The following NRXN1 variants were observed in gnomAD, a reference collection of about 807,000 sequenced individuals.
NRXN1 encodes the protein neurexin 1.
NRXN1 carries 39 observed loss-of-function variants against 150.9 expected under a neutral mutation model. That is an observed-to-expected ratio of 0.26 (90% CI 0.20 to 0.34). NRXN1 has a LOEUF of 0.34. NRXN1 is among the 10% of genes least tolerant of loss of function. The pLI is 1.00. For synonymous variants in NRXN1, 924 were observed against 757.0 expected (o/e 1.22, Z -3.62); for missense variants, 1,815 against 1,949.9 (o/e 0.93, Z 1.30).
At chr2:49,935,766 G>A (rs1049256302) in intron 22 of NRXN1, among the ~76,000 whole-genome samples, 1 of 152,162 alleles carries the variant, frequency 6.6e-6, no homozygotes, top group African/African-American at 2.4e-5. Flanking sequence ...GCCACAGGAA[G>A]CCAATTTCAT....
chr2:50,212,404 A>G (rs1271120324), intron 18 of NRXN1, among the ~76,000 whole-genome samples: 1 of 151,442 alleles, frequency 6.6e-6, no homozygotes, highest in African/African-American at 2.4e-5. Context: ...TATATGGCTA[A>G]TATTAAAGGC....
At chr2:50,525,697 G>C (rs1311522966) in intron 12 of NRXN1, among the ~76,000 whole-genome samples, 1 of 152,204 alleles carries the variant, frequency 6.6e-6, no homozygotes, top group Non-Finnish European at 1.5e-5. Context: ...ATTATTCAGA[G>C]AGACAGCTTT....
chr2:50,486,112 T>G (rs1301280377), intron 15 of NRXN1, among the ~76,000 whole-genome samples: 1 of 152,190 alleles, frequency 6.6e-6, no homozygotes, highest in Non-Finnish European at 1.5e-5. Flanking sequence ...ACAATACATT[T>G]TAAAGTGATC....
At chr2:50,986,176 C>T (rs1453466123) in intron 2 of NRXN1, among the ~76,000 whole-genome samples, 1 of 151,532 alleles carries the variant, frequency 6.6e-6, no homozygotes, top group African/African-American at 2.4e-5. Context: ...GAGACTGGGG[C>T]AAGCAAAACA....
At chr2:50,721,542 G>A (rs1175754101) in intron 5 of NRXN1, among the ~76,000 whole-genome samples, 1 of 152,116 alleles carries the variant, frequency 6.6e-6, no homozygotes, top group African/African-American at 2.4e-5. Flanking sequence ...GTTCTCCTTT[G>A]TGCCTGACAG....
At chr2:50,364,647 TTTGCTCCTTTCAACTATTATTTA>T (rs1380579551) in intron 17 of NRXN1, among the ~76,000 whole-genome samples, 1 of 152,084 alleles carries the variant, frequency 6.6e-6, no homozygotes, top group Non-Finnish European at 1.5e-5. Flanking sequence ...ATTATTTAAA[TTTGCTCCTTTCAACTATTATTTA>T]TTGCCAAGCT....
chr2:50,893,918 C>G (rs1033616509), intron 5 of NRXN1, among the ~76,000 whole-genome samples: 4 of 152,070 alleles, frequency 2.6e-5, no homozygotes, highest in Non-Finnish European at 5.9e-5. Context: ...CATGTCCCTA[C>G]AAAGGACATG....
intron 5 of NRXN1, among the ~76,000 whole-genome samples, chr2:50,768,229 A>G (rs186086192): frequency 1.1e-3 from 163 of 152,196 alleles, no homozygotes; most frequent in African/African-American, 3.9e-3. Flanking sequence ...AACCATGTGG[A>G]AGAAGTATGT....
chr2:50,785,826 A>G lies in NRXN1; in HGVS notation c.832+136043T>C, dbSNP rs1705039223. On this transcript the variant is annotated intron_variant, in intron 5 of 22. Transcript: ENST00000401669. ...ATGTAATGATGGATTTCTGTTTCTG[A>G]GGAGGCTATTCTAGAGTTGTGATTG... 3.9e-5 allele frequency among the ~76,000 whole-genome samples: 6 copies of G among 152,186 alleles called. No individual in the cohort carries two copies. In the South Asian group the frequency reaches 1.2e-3, roughly 32 times the overall value.
intron 5 of NRXN1, among the ~76,000 whole-genome samples, chr2:50,738,285 C>T (rs939296625): frequency 1.3e-5 from 2 of 152,188 alleles, no homozygotes; most frequent in Non-Finnish European, 2.9e-5. Flanking sequence ...TGCATAAATG[C>T]TCCACTGACC....
At chr2:50,192,851 C>T (rs1002055344) in intron 18 of NRXN1, among the ~76,000 whole-genome samples, 4 of 152,164 alleles carry the variant, frequency 2.6e-5, no homozygotes, top group Admixed American at 2.6e-4. Context: ...CTCAAGTCAT[C>T]CGCTCCCATC....
chr2:50,327,719 A>G (rs537008135), intron 17 of NRXN1, among the ~76,000 whole-genome samples: 143 of 150,862 alleles, frequency 9.5e-4, no homozygotes, highest in African/African-American at 3.2e-3. Context: ...GAAAAATCTC[A>G]GCTCACTGCA....
intron 18 of NRXN1, among the ~76,000 whole-genome samples, chr2:50,189,373 G>T (rs181632045): frequency 1.3e-4 from 20 of 152,016 alleles, no homozygotes; most frequent in Admixed American, 3.3e-4. Context: ...CTGGGGGTTG[G>T]GGGGTAGGGG....
At position 51,027,980 on chromosome 2, in the gene NRXN1, A is replaced by G. The variant is rs748696626; in HGVS notation, c.294T>C (p.Ala98=). ...RLQLSFSIFC[A]EPATLLADTP... ...TGTCGGCCAGGAGCGTCGCAGGCTC[A>G]GCGCAGAAGATGGAGAAGCTGAGCT... is the stretch of plus-strand genomic sequence containing the variant. The change falls in exon 2 of 23, where the codon GCT becomes GCC. Residue 98 remains alanine, a synonymous_variant. Transcript: ENST00000401669. 6.9e-6 allele frequency: 11 copies of G among 1,601,380 alleles called. No homozygotes were observed. Among genetic ancestry groups the G allele is most frequent in the Middle Eastern group, 1.7e-4 (1 of 6,052 alleles).
intron 17 of NRXN1, among the ~76,000 whole-genome samples, chr2:50,244,340 G>T (rs546127947): frequency 6.6e-6 from 1 of 151,760 alleles, no homozygotes; most frequent in African/African-American, 2.4e-5. Context: ...CTGCACACTG[G>T]ACAATCAAAT....
intron 17 of NRXN1, among the ~76,000 whole-genome samples, chr2:50,403,125 G>T (rs951401350): frequency 2.0e-5 from 3 of 152,054 alleles, no homozygotes; most frequent in African/African-American, 7.2e-5. Flanking sequence ...ACATCACCTG[G>T]TTTCCAAGGA....
intron 13 of NRXN1, among the ~76,000 whole-genome samples, chr2:50,501,647 A>G (rs1479071041): frequency 6.6e-6 from 1 of 151,994 alleles, no homozygotes; most frequent in Non-Finnish European, 1.5e-5. Flanking sequence ...ACAGATTAAA[A>G]AAAAAAAACA....
At chr2:50,431,297 G>A in intron 17 of NRXN1, among the ~76,000 whole-genome samples, 1 of 152,108 alleles carries the variant, frequency 6.6e-6, no homozygotes, top group Non-Finnish European at 1.5e-5. Flanking sequence ...TGACATCCTA[G>A]GTTTTTCCTA....
chr2:50,033,362 A>G (rs1209215078), intron 21 of NRXN1, among the ~76,000 whole-genome samples: 1 of 152,118 alleles, frequency 6.6e-6, no homozygotes, highest in Non-Finnish European at 1.5e-5. Flanking sequence ...AGCTAACAAA[A>G]ATAAGCAAAG....
Sources: gnomAD v4.1 joint callset for allele counts (sites outside exome capture counted in the v4.1 genomes callset) on GRCh38, gnomAD v4.1.1 for gene constraint, MANE v1.5 for transcripts, NCBI Gene and HGNC (gene_info 2026-07-23, HGNC 2026-07-21) for gene names.